ABTB3: variants seen among roughly 807,000 people sequenced by gnomAD.
ABTB3 encodes ankyrin repeat and BTB domain containing 3.
the ABTB3 span, among the ~76,000 whole-genome samples, chr12:107,582,228 T>G: frequency 6.6e-6 from 1 of 152,144 alleles, no homozygotes; most frequent in Non-Finnish European, 1.5e-5. Flanking sequence ...TTGCTAGCAT[T>G]TATTGGATGT....
chr12:107,545,851 G>T, the ABTB3 span, among the ~76,000 whole-genome samples: 1 of 152,136 alleles, frequency 6.6e-6, no homozygotes, highest in South Asian at 2.1e-4. Flanking sequence ...TTCACTCCTA[G>T]CCCCAACAGC....
chr12:107,381,777 C>T, the ABTB3 span, among the ~76,000 whole-genome samples: 15,279 of 152,170 alleles, frequency 0.1, 1,183 homozygotes, highest in East Asian at 0.4. Context: ...TGTTATTTGT[C>T]AGCTCTGTGA....
chr12:107,333,100 T>A, the ABTB3 span, among the ~76,000 whole-genome samples: 5 of 152,138 alleles, frequency 3.3e-5, no homozygotes, highest in Non-Finnish European at 5.9e-5. Context: ...CTCCCACCCA[T>A]CCCTGCTGCT....
At chr12:107,603,548 G>A in the ABTB3 span, among the ~76,000 whole-genome samples, 3 of 152,086 alleles carry the variant, frequency 2.0e-5, no homozygotes, top group African/African-American at 4.8e-5. Flanking sequence ...GACCCTTATG[G>A]CATCCATATA....
the ABTB3 span, among the ~76,000 whole-genome samples, chr12:107,408,486 G>A: frequency 1.3e-5 from 2 of 152,210 alleles, no homozygotes; most frequent in Non-Finnish European, 2.9e-5. Flanking sequence ...TAGGGGCAGG[G>A]GAGGAGAGCT....
chr12:107,414,073 G>C, the ABTB3 span, among the ~76,000 whole-genome samples: 35 of 152,252 alleles, frequency 2.3e-4, no homozygotes, highest in African/African-American at 7.7e-4. Flanking sequence ...AGTAAGAGGT[G>C]GTGAGGACAG....
chr12:107,387,097 C>A, the ABTB3 span, among the ~76,000 whole-genome samples: 1 of 151,860 alleles, frequency 6.6e-6, no homozygotes. Context: ...CCTGCCTCAG[C>A]CTCCTGAGTA....
chr12:107,422,052 T>C, the ABTB3 span, among the ~76,000 whole-genome samples: 3 of 152,126 alleles, frequency 2.0e-5, no homozygotes, highest in South Asian at 2.1e-4. Flanking sequence ...GAAAATGCTA[T>C]AGAGAAAAGA....
the ABTB3 span, among the ~76,000 whole-genome samples, chr12:107,467,315 A>G: frequency 2.2e-4 from 34 of 151,984 alleles, no homozygotes; most frequent in African/African-American, 8.2e-4. Context: ...GTATTTTGTT[A>G]TTGTAGAATG....
At chr12:107,484,956 C>T in the ABTB3 span, among the ~76,000 whole-genome samples, 5 of 152,154 alleles carry the variant, frequency 3.3e-5, no homozygotes, top group African/African-American at 4.8e-5. Flanking sequence ...TGTGCTATGT[C>T]TGCAATGCCC....
chr12:107,367,664 C>T, the ABTB3 span, among the ~76,000 whole-genome samples: 1 of 152,064 alleles, frequency 6.6e-6, no homozygotes, highest in Admixed American at 6.5e-5. Flanking sequence ...CGGCACCACC[C>T]TGGCTAATTT....
At chr12:107,535,182 CA>C in the ABTB3 span, among the ~76,000 whole-genome samples, 5 of 152,162 alleles carry the variant, frequency 3.3e-5, no homozygotes, top group East Asian at 9.7e-4. Flanking sequence ...GGGTAAAGAA[CA>C]AAAACCACGT....
the ABTB3 span, among the ~76,000 whole-genome samples, chr12:107,637,604 A>G: frequency 6.6e-6 from 1 of 152,198 alleles, no homozygotes; most frequent in Non-Finnish European, 1.5e-5. Flanking sequence ...TAGCATAACT[A>G]AAGGTCACCA....
the ABTB3 span, among the ~76,000 whole-genome samples, chr12:107,528,801 G>A: frequency 1.5e-4 from 23 of 152,144 alleles, no homozygotes; most frequent in Admixed American, 3.3e-4. Context: ...TGATGGTGAC[G>A]GTGATGGAGA....
chr12:107,648,588 A>G, the ABTB3 span, among the ~76,000 whole-genome samples: 192 of 152,308 alleles, frequency 1.3e-3, no homozygotes, highest in Middle Eastern at 3.4e-3. Context: ...CGTGAGTCAC[A>G]TGAATAAAGA....
At chr12:107,323,149 G>A in the ABTB3 span, among the ~76,000 whole-genome samples, 4 of 152,138 alleles carry the variant, frequency 2.6e-5, no homozygotes, top group African/African-American at 2.4e-5. Context: ...CTACTTTGTT[G>A]TTATTGTTGT....
At chr12:107,514,188 T>A in the ABTB3 span, among the ~76,000 whole-genome samples, 2 of 152,248 alleles carry the variant, frequency 1.3e-5, no homozygotes, top group Non-Finnish European at 1.5e-5. Flanking sequence ...TATCAAGCTC[T>A]GGCAGTGCCG....
At chr12:107,349,628 A>C in the ABTB3 span, among the ~76,000 whole-genome samples, 30,314 of 152,158 alleles carry the variant, frequency 0.2, 3,512 homozygotes, top group East Asian at 0.34. Flanking sequence ...TTTGATGAGA[A>C]GTTATGGAGA....
chr12:107,619,515 G>A, the ABTB3 span, among the ~76,000 whole-genome samples: 4 of 152,146 alleles, frequency 2.6e-5, no homozygotes, highest in Admixed American at 2.0e-4. Context: ...GCTCTCATCT[G>A]GGCACGGATG....
Sources: allele counts gnomAD v4.1 joint callset (sites outside exome capture counted in the v4.1 genomes callset), GRCh38; gene constraint gnomAD v4.1.1; transcripts MANE v1.5; gene names NCBI Gene and HGNC (gene_info 2026-07-23, HGNC 2026-07-21).